Variants in TAFA1 observed in about 807,000 individuals in gnomAD.
The protein encoded by TAFA1 is TAFA chemokine like family member 1, also known as chemokine-like protein TAFA-1.
In TAFA1, 4 loss-of-function variants were observed where a neutral mutation model predicts 18.5. The observed-to-expected ratio is 0.22, with a 90% CI of 0.11 to 0.49. The LOEUF (loss-of-function observed/expected upper bound fraction) is 0.49, where lower values mean the gene tolerates loss of function less well. Ranked by LOEUF, TAFA1 falls within the 20% of genes least tolerant of loss-of-function variation. TAFA1 has a pLI of 0.98. For synonymous variants in TAFA1, 56 were observed against 55.2 expected, an observed-to-expected ratio of 1.01 and a Z score of -0.06; for missense variants, 147 against 169.0, an observed-to-expected ratio of 0.87 and a Z score of 0.72.
chr3:68,390,174 G>A (rs1231183800), intron 2 of TAFA1, among the ~76,000 whole-genome samples: 1 of 152,134 alleles, frequency 6.6e-6, no homozygotes, highest in African/African-American at 2.4e-5. Flanking sequence ...TGGGGGAAGG[G>A]GCGTCCGCCA....
intron 2 of TAFA1, among the ~76,000 whole-genome samples, chr3:68,259,380 G>T (rs1355627839): frequency 1.3e-5 from 2 of 152,128 alleles, no homozygotes; most frequent in Admixed American, 1.3e-4. Flanking sequence ...TAGAAAAAGT[G>T]AATTTATTCT....
intron 2 of TAFA1, among the ~76,000 whole-genome samples, chr3:68,349,837 G>A (rs184881450): frequency 1.1e-4 from 16 of 152,072 alleles, no homozygotes; most frequent in African/African-American, 2.9e-4. Flanking sequence ...GTGGGGATGC[G>A]GAAGGGAGCC....
intron 3 of TAFA1, among the ~76,000 whole-genome samples, chr3:68,506,999 T>C (rs1419666308): frequency 6.6e-6 from 1 of 152,110 alleles, no homozygotes; most frequent in Non-Finnish European, 1.5e-5. Context: ...TATTTTAAGT[T>C]CTGGGCCATG....
At chr3:68,140,415 A>G (rs1239830981) in intron 2 of TAFA1, among the ~76,000 whole-genome samples, 3 of 152,248 alleles carry the variant, frequency 2.0e-5, no homozygotes, top group Non-Finnish European at 4.4e-5. Flanking sequence ...GCATTTTCCA[A>G]TGAGGAATCA....
At chr3:68,318,929 T>A (rs2068651538) in intron 2 of TAFA1, among the ~76,000 whole-genome samples, 2 of 152,068 alleles carry the variant, frequency 1.3e-5, no homozygotes, top group African/African-American at 4.8e-5. Context: ...TTCATAACAC[T>A]AATAAACATC....
rs1008675629 is a variant in TAFA1 at position 68,245,984 on chromosome 3, T to A, written c.119-171296T>A. Among the ~76,000 whole-genome samples the A allele has an allele frequency of 5.9e-5, 9 of 152,268 alleles. 1 individual carries two copies. Among genetic ancestry groups the A allele is most frequent in the Admixed American group, 5.2e-4 (8 of 15,296 alleles). On this transcript the variant is annotated intron_variant, in intron 2 of 4. Coordinates refer to ENST00000478136, the MANE Select transcript of TAFA1 (RefSeq NM_213609.4). ...GGTAATAAAGTGACTCAAAACAGTC[T>A]CCAATAATGCAAGCTCCCTGAGGAC... is the stretch of plus-strand genomic sequence containing the variant.
chr3:68,256,010 G>GTATTTATCTTTGATAAATAGATAC (rs1173542917), intron 2 of TAFA1, among the ~76,000 whole-genome samples: 22 of 152,036 alleles, frequency 1.4e-4, no homozygotes, highest in Admixed American at 2.0e-4. Flanking sequence ...CTCTGCTAGA[G>GTATTTATCTTTGATAAATAGATAC]TATTTATCTT....
At chr3:68,494,608 T>C (rs758916840) in intron 3 of TAFA1, among the ~76,000 whole-genome samples, 9 of 152,230 alleles carry the variant, frequency 5.9e-5, no homozygotes, top group Non-Finnish European at 7.3e-5. Context: ...AGTAGTCATC[T>C]TGGTTCATGT....
chr3:68,291,692 C>CA (rs397963459), intron 2 of TAFA1, among the ~76,000 whole-genome samples: 26,087 of 145,398 alleles, frequency 0.18, 3,308 homozygotes, highest in East Asian at 0.74. Context: ...TCATTCCCCA[C>CA]AAAAAAAAAA....
At chr3:68,396,608 G>C (rs2070387793) in intron 2 of TAFA1, among the ~76,000 whole-genome samples, 1 of 152,070 alleles carries the variant, frequency 6.6e-6, no homozygotes, top group African/African-American at 2.4e-5. Flanking sequence ...ATTTAGTTTT[G>C]CTATTGATAA....
intron 2 of TAFA1, among the ~76,000 whole-genome samples, chr3:68,131,671 T>G (rs1253296859): frequency 7.2e-5 from 11 of 152,214 alleles, no homozygotes; most frequent in Admixed American, 6.5e-4. Flanking sequence ...GCAGAGGGGC[T>G]GGGCTGCATA....
intron 3 of TAFA1, among the ~76,000 whole-genome samples, chr3:68,446,568 G>T (rs544979146): frequency 1.3e-5 from 2 of 152,172 alleles, no homozygotes; most frequent in South Asian, 4.1e-4. Context: ...AAAATTAAAG[G>T]TAATTGAATT....
At chr3:68,511,620 G>A (rs34516617) in intron 3 of TAFA1, among the ~76,000 whole-genome samples, 33,079 of 151,802 alleles carry the variant, frequency 0.22, 3,782 homozygotes, top group Admixed American at 0.29. Context: ...TGGTTGAAAA[G>A]TAGTTTAAAA....
chr3:68,238,521 C>A (rs2066957595), intron 2 of TAFA1, among the ~76,000 whole-genome samples: 1 of 152,086 alleles, frequency 6.6e-6, no homozygotes, highest in South Asian at 2.1e-4. Context: ...CATTATATGA[C>A]CTATATAGTC....
chr3:68,462,980 T>A (rs1253694905), intron 3 of TAFA1, among the ~76,000 whole-genome samples: 1 of 152,218 alleles, frequency 6.6e-6, no homozygotes. Context: ...AGGCTTGCTA[T>A]TTTCAATTTA....
chr3:68,032,090 C>T (rs1704946964), intron 2 of TAFA1, among the ~76,000 whole-genome samples: 1 of 151,840 alleles, frequency 6.6e-6, no homozygotes, highest in Admixed American at 6.6e-5. Flanking sequence ...ATGTAGGTAC[C>T]TTCATGTTTT....
chr3:68,171,751 T>A (rs2066056575), intron 2 of TAFA1, among the ~76,000 whole-genome samples: 1 of 151,612 alleles, frequency 6.6e-6, no homozygotes, highest in South Asian at 2.1e-4. Context: ...AAAGAGACAC[T>A]AAAAAGAGCC....
At chr3:68,474,067 AT>A (rs2072048233) in intron 3 of TAFA1, among the ~76,000 whole-genome samples, 4 of 140,344 alleles carry the variant, frequency 2.9e-5, no homozygotes, top group African/African-American at 1.0e-4. Flanking sequence ...CCCCAAGTAA[AT>A]AAAAAGCCAA....
At chr3:68,216,478 A>G (rs2066658738) in intron 2 of TAFA1, among the ~76,000 whole-genome samples, 1 of 152,094 alleles carries the variant, frequency 6.6e-6, no homozygotes, top group South Asian at 2.1e-4. Context: ...TTAAAGGAAA[A>G]TAAGACTGTG....
Sources: gnomAD v4.1 joint callset for allele counts (sites outside exome capture counted in the v4.1 genomes callset) on GRCh38, gnomAD v4.1.1 for gene constraint, MANE v1.5 for transcripts, NCBI Gene and HGNC (gene_info 2026-07-23, HGNC 2026-07-21) for gene names.